The following SETD7 variants were observed in gnomAD, a reference collection of about 807,000 sequenced individuals.
SETD7 encodes the protein SET domain containing 7, histone lysine methyltransferase, also known as histone-lysine N-methyltransferase SETD7.
Under a neutral mutation model 41.8 loss-of-function variants are expected in SETD7, and 16 were observed. That is an observed-to-expected ratio of 0.38 (90% CI 0.26 to 0.58). The LOEUF (loss-of-function observed/expected upper bound fraction) is 0.58, where lower values mean the gene tolerates loss of function less well. SETD7 is among the 20% of genes least tolerant of loss of function. SETD7 has a pLI of 0.64. For missense variants in SETD7, 346 were observed against 459.7 expected (o/e 0.75, Z 2.26); for synonymous variants, 163 against 169.7 (o/e 0.96, Z 0.31).
intron 7 of SETD7, among the ~76,000 whole-genome samples, chr4:139,500,532 G>T (rs190018052): frequency 5.9e-5 from 9 of 152,112 alleles, no homozygotes; most frequent in Admixed American, 5.9e-4. Flanking sequence ...TTTTTGAGAC[G>T]GAGTCTTGCT....
At position 139,507,391 on chromosome 4, in the gene SETD7, C is replaced by T. The variant is rs776605406; in HGVS notation, c.*4272G>A. On this transcript the variant is annotated 3_prime_UTR_variant, in exon 8 of 8. Transcript: ENST00000274031. ...GCTCTCTCCACGTCAGGTGCAACAACGCCGAGGAAGTTGCTGAGAGTCAGA... is the reference window on the plus strand; with the variant it reads ...GCTCTCTCCACGTCAGGTGCAACAATGCCGAGGAAGTTGCTGAGAGTCAGA... 6 of 152,534 alleles carry T rather than the reference C, an allele frequency of 3.9e-5. No homozygotes were observed. Among genetic ancestry groups the T allele is most frequent in the Non-Finnish European group, 5.9e-5 (4 of 68,038 alleles). 9.4% of individuals were successfully genotyped at this position (152,534 alleles called of 1,614,324 possible).
rs903515408 is a variant in SETD7, at chr4:139,555,472, G to T, written c.40+626C>A. On this transcript the variant is annotated intron_variant, in intron 1 of 7. Transcript: ENST00000274031. This position sits in a 1 kb window ranked among gnomAD's most constrained non-coding sequence, Gnocchi z 4.0. Reference sequence around the variant, plus strand: ...CTGAGGGGAGGGCTGCCCGCCTCCCGGACGGCGCACGTTCGAGTCCCGGGT... The same window carrying T: ...CTGAGGGGAGGGCTGCCCGCCTCCCTGACGGCGCACGTTCGAGTCCCGGGT... Among the ~76,000 whole-genome samples, 1 of 152,084 alleles carries T rather than the reference G, an allele frequency of 6.6e-6. No individual in the cohort carries two copies. The highest frequency in any genetic ancestry group is 2.4e-5 in the African/African-American group (1 of 41,450).
At chr4:139,536,312 GA>G (rs1465660109) in intron 2 of SETD7, among the ~76,000 whole-genome samples, 21 of 152,084 alleles carry the variant, frequency 1.4e-4, no homozygotes, top group African/African-American at 3.4e-4. Context: ...CCAGCCGGGG[GA>G]AAAAAAGTTA....
chr4:139,536,957 C>T (rs62321265), intron 2 of SETD7, among the ~76,000 whole-genome samples: 121,234 of 152,146 alleles, frequency 0.8, 48,408 homozygotes, highest in Middle Eastern at 0.84. Flanking sequence ...GAGCCGAGAT[C>T]GCACCACTGC....
chr4:139,548,505 G>A (rs889330127), intron 1 of SETD7, among the ~76,000 whole-genome samples: 5 of 152,108 alleles, frequency 3.3e-5, no homozygotes, highest in African/African-American at 7.2e-5. Flanking sequence ...GGTGGCGGAC[G>A]TCTGTAATCC....
chr4:139,553,376 C>T (rs1728165703), intron 1 of SETD7, among the ~76,000 whole-genome samples: 1 of 152,248 alleles, frequency 6.6e-6, no homozygotes. Context: ...TCACTGAACT[C>T]TGTCAGAACC....
rs561844537 is a variant in SETD7, at chr4:139,506,381, A to T, written c.*5282T>A. 6.5e-6 allele frequency: 1 copy of T among 152,778 alleles called. No homozygotes were observed. The highest frequency in any genetic ancestry group is 1.9e-4 in the East Asian group (1 of 5,190). 9.5% of individuals were successfully genotyped at this position (152,778 alleles called of 1,614,324 possible). On this transcript the variant is annotated 3_prime_UTR_variant, in exon 8 of 8. Coordinates refer to ENST00000274031, the MANE Select transcript of SETD7 (RefSeq NM_030648.4). Reference sequence around the variant, plus strand: ...TTTGGTTGCAATAAATGCTGAAAGCATACCCCTGGCTTCTACTTCTTCAAC... The same window carrying T: ...TTTGGTTGCAATAAATGCTGAAAGCTTACCCCTGGCTTCTACTTCTTCAAC...
At chr4:139,521,832 G>C (rs1727186880) in intron 5 of SETD7, among the ~76,000 whole-genome samples, 2 of 152,200 alleles carry the variant, frequency 1.3e-5, no homozygotes, top group African/African-American at 4.8e-5. Flanking sequence ...ATATGCCCTA[G>C]GGGGCTGTTG....
chr4:139,535,231 C>T (rs1238146067), intron 2 of SETD7, among the ~76,000 whole-genome samples: 1 of 152,078 alleles, frequency 6.6e-6, no homozygotes, highest in African/African-American at 2.4e-5. Context: ...TTAGGATTGC[C>T]AGGTATAATA....
intron 1 of SETD7, among the ~76,000 whole-genome samples, chr4:139,550,694 G>A (rs1728086310): frequency 6.6e-6 from 1 of 152,096 alleles, no homozygotes; most frequent in South Asian, 2.1e-4. Flanking sequence ...TTAATATTTG[G>A]ACAATAAGAT....
intron 2 of SETD7, among the ~76,000 whole-genome samples, chr4:139,543,286 G>C (rs1260820421): frequency 6.6e-6 from 1 of 152,212 alleles, no homozygotes; most frequent in Non-Finnish European, 1.5e-5. Flanking sequence ...AATAAAAACT[G>C]CTTCATGTAG....
chr4:139,551,226 A>G (rs1728101964), intron 1 of SETD7, among the ~76,000 whole-genome samples: 1 of 152,264 alleles, frequency 6.6e-6, no homozygotes, highest in Non-Finnish European at 1.5e-5. Flanking sequence ...AAAATGCGCC[A>G]AGTCAGCCAA....
rs1726852703 is a variant in SETD7 at position 139,510,936 on chromosome 4, A to G, written c.*727T>C. The G allele has an allele frequency of 6.6e-6, 1 of 152,650 alleles. No individual in the cohort carries two copies. The highest frequency in any genetic ancestry group is 2.4e-5 in the African/African-American group (1 of 41,456). 9.5% of individuals were successfully genotyped at this position (152,650 alleles called of 1,614,324 possible). A position where few individuals can be genotyped will look rare whatever the true frequency, so the allele number is the denominator to read the frequency against. ...ATCTTTGTTTACATGCGAGAATAAT[A>G]TTCTATAATAATACCCTGGCCCTAT... On this transcript the variant is annotated 3_prime_UTR_variant, in exon 8 of 8. Coordinates refer to ENST00000274031, the MANE Select transcript of SETD7 (RefSeq NM_030648.4).
chr4:139,521,639 T>C (rs1012380615), intron 5 of SETD7, among the ~76,000 whole-genome samples: 2 of 152,190 alleles, frequency 1.3e-5, no homozygotes, highest in African/African-American at 4.8e-5. Flanking sequence ...CACGTGACCT[T>C]GTAGTGCCTC....
In SETD7 at chr4:139,511,630, A is replaced by G. The variant is rs772361426; in HGVS notation, c.*33T>C. ...ACGTAGTGCATAGATCCAAGTTTCT[A>G]TTCCAGGTCTCTGAACCCCAAAGCC... On this transcript the variant is annotated 3_prime_UTR_variant, in exon 8 of 8. Coordinates refer to ENST00000274031, the MANE Select transcript of SETD7 (RefSeq NM_030648.4). 3 of 1,612,802 alleles carry G rather than the reference A, an allele frequency of 1.9e-6. No individual in the cohort carries two copies. Among genetic ancestry groups the G allele is most frequent in the Admixed American group, 1.7e-5 (1 of 59,608 alleles).
At chr4:139,532,925 T>C in intron 3 of SETD7, 1 of 573,970 alleles carries the variant, frequency 1.7e-6, no homozygotes, top group Non-Finnish European at 3.1e-6. Flanking sequence ...GTTTTAATCA[T>C]GATTAATTAC....
intron 6 of SETD7, among the ~76,000 whole-genome samples, chr4:139,519,987 G>A (rs1360090755): frequency 6.6e-6 from 1 of 152,178 alleles, no homozygotes; most frequent in Non-Finnish European, 1.5e-5. Context: ...TCATGAGTTA[G>A]TTATTTACAG....
downstream of SETD7, among the ~76,000 whole-genome samples, chr4:139,504,699 A>C (rs1400892357): frequency 6.6e-6 from 1 of 152,174 alleles, no homozygotes; most frequent in Non-Finnish European, 1.5e-5. Context: ...TTAAACCCAA[A>C]GGCAGATATT....
rs769744402 is a variant in SETD7, at chr4:139,509,889, G to A, written c.*1774C>T. 1.7e-4 allele frequency: 165 copies of A among 985,186 alleles called. No homozygotes were observed. Among genetic ancestry groups the A allele is most frequent in the Non-Finnish European group, 2.0e-4 (164 of 829,862 alleles). The allele number at this position is 985,186 out of a possible 1,614,324, so 61.0% of individuals were successfully genotyped here. ...ACCATTGGCTTAAGCTTTCAAGCAG[G>A]GATCCAACTGGATCTCCCTGAAACC... is the stretch of plus-strand genomic sequence containing the variant. On this transcript the variant is annotated 3_prime_UTR_variant, in exon 8 of 8. Transcript: ENST00000274031.
Sources: gnomAD v4.1 joint callset for allele counts (sites outside exome capture counted in the v4.1 genomes callset) on GRCh38, gnomAD v4.1.1 for gene constraint, Gnocchi (gnomAD v3.1) non-coding constraint, MANE v1.5 for transcripts, NCBI Gene and HGNC (gene_info 2026-07-23, HGNC 2026-07-21) for gene names.